The following TENM4 variants were observed in gnomAD, a reference collection of about 807,000 sequenced individuals.
TENM4 encodes the protein teneurin transmembrane protein 4.
A neutral mutation model predicts 243.3 loss-of-function variants in TENM4; 82 were observed. That is an observed-to-expected ratio of 0.34 (90% CI 0.28 to 0.40). TENM4 has a LOEUF of 0.40. Ranked by LOEUF, TENM4 falls within the 10% of genes least tolerant of loss-of-function variation. The pLI is 1.00. For synonymous variants in TENM4, 1,412 were observed against 1,456.3 expected (o/e 0.97, Z 0.69); for missense variants, 3,138 against 3,673.3 (o/e 0.85, Z 3.77).
At chr11:78,932,995 A>G (rs1360122971) in intron 6 of TENM4, among the ~76,000 whole-genome samples, 1 of 152,136 alleles carries the variant, frequency 6.6e-6, no homozygotes, top group Non-Finnish European at 1.5e-5. Flanking sequence ...CTGGAGTTCA[A>G]TATCTTTGTC....
chr11:78,850,594 A>G (rs2136195204), intron 12 of TENM4, among the ~76,000 whole-genome samples: 1 of 152,362 alleles, frequency 6.6e-6, no homozygotes, highest in Middle Eastern at 3.4e-3. Context: ...CAACATCAGA[A>G]TCAGTCTGTT....
Position 78,658,522 on chromosome 11 carries a change from T to C in TENM4, c.7846A>G (p.Thr2616Ala). The C allele has an allele frequency of 1.2e-6, 2 of 1,613,978 alleles. No individual in the cohort carries two copies. The highest frequency in any genetic ancestry group is 1.1e-5 in the South Asian group (1 of 91,068). Residue 2616 changes from threonine to alanine, a missense_variant, in exon 34 of 34, where the codon ACC becomes GCC. Coordinates refer to ENST00000278550, the MANE Select transcript of TENM4 (RefSeq NM_001098816.3). ...NLHFTIDGVD[T>A]HYFVKPGPSE... ...GGTCCTGGTTTCACAAAGTAATGGG[T>C]ATCCACCCCATCAATGGTGAAGTGC...
intron 4 of TENM4, among the ~76,000 whole-genome samples, chr11:79,130,218 G>T (rs1378237840): frequency 6.6e-6 from 1 of 152,142 alleles, no homozygotes; most frequent in East Asian, 1.9e-4. Flanking sequence ...CACCCTGTGG[G>T]ACAAAAGAAT....
At chr11:79,064,255 A>G (rs1860180333) in intron 6 of TENM4, among the ~76,000 whole-genome samples, 1 of 152,234 alleles carries the variant, frequency 6.6e-6, no homozygotes, top group South Asian at 2.1e-4. Flanking sequence ...ACCTCAAGTT[A>G]TCCCCAAATG....
chr11:79,157,557 G>A (rs1862649734), intron 3 of TENM4, among the ~76,000 whole-genome samples: 1 of 152,098 alleles, frequency 6.6e-6, no homozygotes. Context: ...TACTCTCCTA[G>A]TACTCACCCA....
intron 1 of TENM4, among the ~76,000 whole-genome samples, chr11:79,372,748 T>C (rs541004806): frequency 4.6e-5 from 7 of 152,308 alleles, no homozygotes; most frequent in Admixed American, 4.6e-4. Context: ...ATATGGGGCT[T>C]GGCATGCAGT....
chr11:78,711,113 C>T (rs1859386698), intron 26 of TENM4, among the ~76,000 whole-genome samples: 1 of 152,176 alleles, frequency 6.6e-6, no homozygotes, highest in Non-Finnish European at 1.5e-5. Context: ...GTTCTTTCCA[C>T]TCCTGGCTAC....
At chr11:79,217,181 C>T (rs558208707) in intron 2 of TENM4, among the ~76,000 whole-genome samples, 1 of 152,104 alleles carries the variant, frequency 6.6e-6, no homozygotes, top group African/African-American at 2.4e-5. Context: ...CTACCCTACT[C>T]AAAAGAAGGG....
At chr11:78,958,043 T>C (rs1187283876) in intron 6 of TENM4, among the ~76,000 whole-genome samples, 1 of 152,234 alleles carries the variant, frequency 6.6e-6, no homozygotes. Flanking sequence ...TCCATGCCCT[T>C]ATGACCAATG....
chr11:79,268,393 T>C (rs1408885436), intron 2 of TENM4, among the ~76,000 whole-genome samples: 1 of 152,236 alleles, frequency 6.6e-6, no homozygotes, highest in African/African-American at 2.4e-5. Context: ...TATAATATAA[T>C]GAACCACATT....
chr11:79,208,972 C>T (rs1233631410), intron 3 of TENM4, among the ~76,000 whole-genome samples: 5 of 152,172 alleles, frequency 3.3e-5, no homozygotes, highest in African/African-American at 7.2e-5. Context: ...AAACAACCCT[C>T]GGGCCACTAC....
intron 14 of TENM4, among the ~76,000 whole-genome samples, chr11:78,806,099 G>C (rs1323935555): frequency 6.6e-6 from 1 of 151,908 alleles, no homozygotes; most frequent in Non-Finnish European, 1.5e-5. Context: ...AGACCAGCCT[G>C]GGCAACACAG....
chr11:78,781,695 T>A (rs1856840290), intron 16 of TENM4, among the ~76,000 whole-genome samples: 1 of 152,024 alleles, frequency 6.6e-6, no homozygotes, highest in South Asian at 2.1e-4. Context: ...AACGGCTGCA[T>A]CATTGGTACA....
intron 6 of TENM4, among the ~76,000 whole-genome samples, chr11:79,057,325 G>A (rs1196312583): frequency 6.6e-6 from 1 of 151,210 alleles, no homozygotes; most frequent in Non-Finnish European, 1.5e-5. Flanking sequence ...TGGCCTCCTT[G>A]CTGCTTTTCA....
At chr11:79,036,829 G>C (rs540589247) in intron 6 of TENM4, among the ~76,000 whole-genome samples, 1 of 152,100 alleles carries the variant, frequency 6.6e-6, no homozygotes, top group South Asian at 2.1e-4. Flanking sequence ...GGCTAACGTG[G>C]TGAAACCCTG....
rs1857894589 is a variant in TENM4, at chr11:78,656,380, C to G, written c.*1678G>C. On this transcript the variant is annotated 3_prime_UTR_variant, in exon 34 of 34. Coordinates refer to ENST00000278550, the MANE Select transcript of TENM4 (RefSeq NM_001098816.3). Reference sequence around the variant, plus strand: ...CTTAAAAGGAAGCATTTGGCTTCCCCTCCCATCTCCCAGAGCCTCCTGTGA... The same window carrying G: ...CTTAAAAGGAAGCATTTGGCTTCCCGTCCCATCTCCCAGAGCCTCCTGTGA... The G allele has an allele frequency of 6.6e-6, 1 of 152,228 alleles. No homozygotes were observed. The highest frequency in any genetic ancestry group is 1.5e-5 in the Non-Finnish European group (1 of 68,048). The allele number at this position is 152,228 out of a possible 1,614,324, so 9.4% of individuals were successfully genotyped here.
chr11:78,753,227 C>T (rs536907927), intron 19 of TENM4, among the ~76,000 whole-genome samples: 2 of 152,316 alleles, frequency 1.3e-5, no homozygotes, highest in East Asian at 3.9e-4. Context: ...ATGTACCAAG[C>T]CCTGGGCCAG....
intron 12 of TENM4, among the ~76,000 whole-genome samples, chr11:78,850,865 G>A (rs1858520221): frequency 6.6e-6 from 1 of 152,160 alleles, no homozygotes; most frequent in Non-Finnish European, 1.5e-5. Flanking sequence ...GGCTCAGAGA[G>A]GTGGCATGAC....
chr11:78,691,070 CTCCTAAAGCCCTCCCTGGTTTT>C (rs1477521237), intron 28 of TENM4, among the ~76,000 whole-genome samples: 2 of 152,224 alleles, frequency 1.3e-5, no homozygotes, highest in African/African-American at 4.8e-5. Context: ...CAAATGCCAC[CTCCTAAAGCCCTCCCTGGTTTT>C]TCCTGTCCCT....
Sources: gnomAD v4.1 joint callset for allele counts (sites outside exome capture counted in the v4.1 genomes callset) on GRCh38, gnomAD v4.1.1 for gene constraint, MANE v1.5 for transcripts, NCBI Gene and HGNC (gene_info 2026-07-23, HGNC 2026-07-21) for gene names.